Variants in STPG2 observed in about 807,000 individuals in gnomAD.
The protein encoded by STPG2 is sperm tail PG-rich repeat containing 2.
In STPG2, 56 loss-of-function variants were observed where a neutral mutation model predicts 54.2. That is an observed-to-expected ratio of 1.03 (90% confidence interval 0.83 to 1.29). The LOEUF (loss-of-function observed/expected upper bound fraction) is 1.29. Ranked by LOEUF, STPG2 falls within the 50% of genes most tolerant of loss-of-function variation. The pLI is 0.00. For synonymous variants in STPG2, 200 were observed against 181.8 expected, an observed-to-expected ratio of 1.10 and a Z score of -0.81; for missense variants, 596 against 544.9, an observed-to-expected ratio of 1.09 and a Z score of -0.93.
intron 9 of STPG2, among the ~76,000 whole-genome samples, chr4:97,757,326 T>C (rs886491431): frequency 1.3e-5 from 2 of 152,178 alleles, no homozygotes; most frequent in South Asian, 2.1e-4. Flanking sequence ...GCTCTTCTAA[T>C]TAAGCTTACT....
chr4:97,840,671 T>C, intron 9 of STPG2, 102 bp downstream of exon 9: 8 of 1,349,848 alleles, frequency 5.9e-6, no homozygotes, highest in Non-Finnish European at 8.1e-6. Flanking sequence ...TTATTTTGCT[T>C]AACTTTTCAG....
At chr4:98,132,157 C>G (rs1043398467) in intron 2 of STPG2, among the ~76,000 whole-genome samples, 4 of 152,020 alleles carry the variant, frequency 2.6e-5, no homozygotes, top group African/African-American at 9.7e-5. Context: ...ACAGAGTTTC[C>G]TCTATACATA....
intron 10 of STPG2, among the ~76,000 whole-genome samples, chr4:97,582,600 G>A (rs1247403102): frequency 6.6e-6 from 1 of 151,906 alleles, no homozygotes; most frequent in Non-Finnish European, 1.5e-5. Flanking sequence ...TGATTTCTCA[G>A]AAAGAGTATT....
chr4:97,600,404 A>T (rs983592636), intron 10 of STPG2, among the ~76,000 whole-genome samples: 1 of 152,228 alleles, frequency 6.6e-6, no homozygotes, highest in Non-Finnish European at 1.5e-5. Context: ...AATACTATGT[A>T]TAAAATAAGC....
At chr4:97,801,516 T>G (rs1476259955) in intron 9 of STPG2, among the ~76,000 whole-genome samples, 1 of 152,186 alleles carries the variant, frequency 6.6e-6, no homozygotes, top group Non-Finnish European at 1.5e-5. Context: ...CTTTTGCCAG[T>G]AATATAGAAG....
intron 9 of STPG2, among the ~76,000 whole-genome samples, chr4:97,836,538 C>A (rs1728638778): frequency 6.6e-6 from 1 of 151,796 alleles, no homozygotes; most frequent in Non-Finnish European, 1.5e-5. Context: ...AGTTTTACTG[C>A]AGTGGTATGT....
At chr4:97,539,611 A>G (rs1731640278) in intron 4 of STPG2, among the ~76,000 whole-genome samples, 1 of 152,164 alleles carries the variant, frequency 6.6e-6, no homozygotes, top group South Asian at 2.1e-4. Context: ...TTAACACCCC[A>G]CTGTCAACAT....
chr4:97,752,838 CT>C (rs1327203385), intron 9 of STPG2, among the ~76,000 whole-genome samples: 1 of 151,790 alleles, frequency 6.6e-6, no homozygotes, highest in Non-Finnish European at 1.5e-5. Flanking sequence ...TTCATAAAGC[CT>C]TTTCCACCCA....
intron 8 of STPG2, among the ~76,000 whole-genome samples, chr4:97,942,099 C>T (rs1304644544): frequency 6.6e-6 from 1 of 150,942 alleles, no homozygotes; most frequent in Non-Finnish European, 1.5e-5. Context: ...CAAAGTTTAA[C>T]ATATATATGT....
intron 10 of STPG2, among the ~76,000 whole-genome samples, chr4:97,609,477 T>C (rs1161936917): frequency 6.6e-6 from 1 of 151,892 alleles, no homozygotes; most frequent in Non-Finnish European, 1.5e-5. Flanking sequence ...GAGGAAGAGG[T>C]AGAAGACAGA....
chr4:97,993,092 T>C (rs1447946086), intron 5 of STPG2, among the ~76,000 whole-genome samples: 1 of 152,194 alleles, frequency 6.6e-6, no homozygotes, highest in African/African-American at 2.4e-5. Flanking sequence ...TCTTGTCTGA[T>C]TGCTCTGGCT....
At chr4:97,575,856 C>T (rs1732709497) in intron 10 of STPG2, among the ~76,000 whole-genome samples, 1 of 152,034 alleles carries the variant, frequency 6.6e-6, no homozygotes, top group African/African-American at 2.4e-5. Context: ...GATTCTATAC[C>T]TCAAATAGCC....
chr4:97,816,767 C>A (rs1482264966), intron 9 of STPG2, among the ~76,000 whole-genome samples: 3 of 149,092 alleles, frequency 2.0e-5, no homozygotes, highest in Non-Finnish European at 4.5e-5. Context: ...TTTTTCTTTT[C>A]TTTTCTTTTT....
chr4:97,574,086 C>T (rs980290807), intron 10 of STPG2, among the ~76,000 whole-genome samples: 1 of 152,052 alleles, frequency 6.6e-6, no homozygotes, highest in African/African-American at 2.4e-5. Context: ...GGGATTAGGG[C>T]ATGGATAGTT....
At chr4:97,442,038 T>TA (rs1729098349) in intron 4 of STPG2, among the ~76,000 whole-genome samples, 2 of 152,008 alleles carry the variant, frequency 1.3e-5, no homozygotes, top group Non-Finnish European at 1.5e-5. Flanking sequence ...GATATTATCT[T>TA]AGCAGAAATA....
intron 10 of STPG2, among the ~76,000 whole-genome samples, chr4:97,613,022 G>T (rs1432421414): frequency 6.6e-6 from 1 of 152,004 alleles, no homozygotes; most frequent in East Asian, 1.9e-4. Flanking sequence ...ATAGTACACA[G>T]TTCCTGTGTT....
At chr4:98,026,885 T>A (rs1173961383) in intron 5 of STPG2, among the ~76,000 whole-genome samples, 2 of 152,210 alleles carry the variant, frequency 1.3e-5, no homozygotes, top group East Asian at 3.8e-4. Flanking sequence ...AGAGTCTAGT[T>A]TTCCATTATA....
chr4:98,008,326 T>C (rs747536346), intron 5 of STPG2, among the ~76,000 whole-genome samples: 21 of 151,748 alleles, frequency 1.4e-4, no homozygotes, highest in Non-Finnish European at 2.9e-4. Flanking sequence ...CTATCAAGCA[T>C]AAATTTTACA....
At chr4:97,860,236 T>C (rs1166382106) in intron 8 of STPG2, among the ~76,000 whole-genome samples, 1 of 152,162 alleles carries the variant, frequency 6.6e-6, no homozygotes, top group African/African-American at 2.4e-5. Flanking sequence ...ATATGAATTT[T>C]AGAATTGTAT....
Sources: gnomAD v4.1 joint callset for allele counts (sites outside exome capture counted in the v4.1 genomes callset) on GRCh38, gnomAD v4.1.1 for gene constraint, MANE v1.5 for transcripts, NCBI Gene and HGNC (gene_info 2026-07-23, HGNC 2026-07-21) for gene names.